Variants in SMC5 observed in about 807,000 individuals in gnomAD.
SMC5 encodes structural maintenance of chromosomes protein 5.
SMC5 carries 88 observed loss-of-function variants against 148.3 expected under a neutral mutation model. The observed-to-expected ratio is 0.59, with a 90% CI of 0.50 to 0.71. SMC5 has a LOEUF of 0.71. Ranked by LOEUF, SMC5 falls within the 30% of genes least tolerant of loss-of-function variation. The pLI, the probability that SMC5 is intolerant of heterozygous loss-of-function variation, is 0.00. For synonymous variants in SMC5, 421 were observed against 432.8 expected (o/e 0.97, Z 0.34); for missense variants, 1,142 against 1,298.9 (o/e 0.88, Z 1.86).
chr9:70,313,618 C>G (rs1190614644), intron 11 of SMC5, among the ~76,000 whole-genome samples: 1 of 152,112 alleles, frequency 6.6e-6, no homozygotes, highest in African/African-American at 2.4e-5. Flanking sequence ...CTGCCTCAAC[C>G]TCCCAAGTAG....
intron 1 of SMC5, among the ~76,000 whole-genome samples, chr9:70,262,537 GAT>G (rs903163825): frequency 2.0e-4 from 31 of 152,188 alleles, no homozygotes; most frequent in African/African-American, 6.0e-4. Flanking sequence ...TGGCATGAAT[GAT>G]AATACCATTC....
chr9:70,334,923 A>G (rs1428113115), intron 17 of SMC5, among the ~76,000 whole-genome samples: 1 of 152,190 alleles, frequency 6.6e-6, no homozygotes, highest in Non-Finnish European at 1.5e-5. Flanking sequence ...CAACCTTATT[A>G]GTCAGTAGGG....
chr9:70,273,254 A>C (rs566437727), intron 3 of SMC5, among the ~76,000 whole-genome samples: 37 of 150,958 alleles, frequency 2.5e-4, no homozygotes, highest in African/African-American at 8.7e-4. Context: ...TATTTATAGT[A>C]ATCGGTTGCT....
intron 3 of SMC5, among the ~76,000 whole-genome samples, chr9:70,274,780 A>G (rs1266976916): frequency 6.6e-6 from 1 of 152,082 alleles, no homozygotes; most frequent in Non-Finnish European, 1.5e-5. Context: ...TTTAGCAGGT[A>G]TACTTGCTGG....
At position 70,300,118 on chromosome 9, in the gene SMC5, G is replaced by C. The variant is rs750803383; in HGVS notation, c.1382G>C (p.Arg461Pro). 6.2e-7 allele frequency: 1 copy of C among 1,603,860 alleles called. No individual in the cohort carries two copies. Among genetic ancestry groups the C allele is most frequent in the Non-Finnish European group, 8.5e-7 (1 of 1,177,110 alleles). The part of the protein sequence containing the change: ...QKEDKLRQRF[R>P]DTYDAVLWLR... ...GAAGATAAGCTAAGACAGAGATTCC[G>C]TGACACGTATGATGCTGTTTTATGG... The change falls in exon 10 of 25, where the codon CGT becomes CCT. Residue 461 changes from arginine to proline, a missense_variant. This residue lies in a region of SMC5 where 743 missense variants were observed against 835.7 expected (regional missense o/e 0.89). Coordinates refer to ENST00000361138, the MANE Select transcript of SMC5 (RefSeq NM_015110.4).
chr9:70,268,454 GC>G (rs138603116), intron 3 of SMC5, among the ~76,000 whole-genome samples: 4,692 of 147,320 alleles, frequency 0.032, 227 homozygotes, highest in African/African-American at 0.11. Context: ...CATGCCCCCT[GC>G]CCCCCCCAAA....
At chr9:70,315,599 G>A in intron 13 of SMC5, 21 bp downstream of exon 13, 1 of 1,487,190 alleles carries the variant, frequency 6.7e-7, no homozygotes, top group Admixed American at 2.0e-5. Flanking sequence ...AGTGAATCAT[G>A]TACTGAATCA....
intron 23 of SMC5, 26 bp downstream of exon 23, chr9:70,350,319 A>T (rs1267462694): frequency 2.5e-6 from 4 of 1,610,156 alleles, no homozygotes; most frequent in South Asian, 1.1e-5. Context: ...TGTTACTTGG[A>T]TCTTCTTATA....
At chr9:70,308,456 G>A (rs899116589) in intron 11 of SMC5, among the ~76,000 whole-genome samples, 1 of 151,768 alleles carries the variant, frequency 6.6e-6, no homozygotes, top group African/African-American at 2.4e-5. Context: ...AGCCGGGCGT[G>A]GTGGCAGGGC....
At position 70,352,403 on chromosome 9, in the gene SMC5, A is replaced by G. The variant is rs945279793; in HGVS notation, c.*72A>G. The G allele has an allele frequency of 7.8e-6, 11 of 1,406,534 alleles. No individual in the cohort carries two copies. The highest frequency in any genetic ancestry group is 1.9e-4 in the Middle Eastern group (1 of 5,378). The allele number at this position is 1,406,534 out of a possible 1,614,324, so 87.1% of individuals were successfully genotyped here. Reference sequence around the variant, plus strand: ...TTTATAAGTATGGCTCAACTGAATAAAAGGAGATTCACTAAAACGAAAAGC... The same window carrying G: ...TTTATAAGTATGGCTCAACTGAATAGAAGGAGATTCACTAAAACGAAAAGC... On this transcript the variant is annotated 3_prime_UTR_variant, in exon 25 of 25. Coordinates refer to ENST00000361138, the MANE Select transcript of SMC5 (RefSeq NM_015110.4).
At chr9:70,344,371 G>A (rs1009376148) in intron 18 of SMC5, 102 bp downstream of exon 18, 31 of 808,600 alleles carry the variant, frequency 3.8e-5, no homozygotes, top group African/African-American at 1.1e-4. Flanking sequence ...ATGATGTGTC[G>A]TAAAAAATAG....
At chr9:70,298,364 A>G (rs968842308) in intron 9 of SMC5, 143 bp downstream of exon 9, 9 of 865,762 alleles carry the variant, frequency 1.0e-5, no homozygotes, top group Non-Finnish European at 1.6e-5. Flanking sequence ...TTCCAACTTC[A>G]TACCTTAATT....
At chr9:70,313,578 A>G (rs1436560633) in intron 11 of SMC5, among the ~76,000 whole-genome samples, 1 of 152,016 alleles carries the variant, frequency 6.6e-6, no homozygotes, top group Non-Finnish European at 1.5e-5. Context: ...GCTAACTGCA[A>G]CCGCTGCCTC....
intron 1 of SMC5, among the ~76,000 whole-genome samples, chr9:70,261,280 T>G (rs1306200981): frequency 1.3e-5 from 2 of 152,176 alleles, no homozygotes; most frequent in Non-Finnish European, 2.9e-5. Flanking sequence ...TGACGTGTGT[T>G]CTGTGTTATT....
chr9:70,262,158 G>C (rs143585159), intron 1 of SMC5, among the ~76,000 whole-genome samples: 1 of 152,282 alleles, frequency 6.6e-6, no homozygotes, highest in Non-Finnish European at 1.5e-5. Context: ...GAAGAGAGTA[G>C]TGAGTGAACC....
chr9:70,308,912 T>C (rs2035581598), intron 11 of SMC5, among the ~76,000 whole-genome samples: 1 of 152,162 alleles, frequency 6.6e-6, no homozygotes. Context: ...ATACAAGAAA[T>C]ATAACAGATT....
chr9:70,351,923 A>G (rs1160310198), intron 24 of SMC5, among the ~76,000 whole-genome samples: 1 of 152,064 alleles, frequency 6.6e-6, no homozygotes, highest in Non-Finnish European at 1.5e-5. Context: ...TAAAAATACA[A>G]AAAGTTAGCT....
At position 70,305,272 on chromosome 9, in the gene SMC5, C is replaced by A; in HGVS notation, c.1490C>A (p.Ala497Asp). Residue 497 changes from alanine to aspartate, a missense_variant, in exon 11 of 25, where the codon GCC becomes GAC. Ala to Asp is a moderately radical substitution (Grantham distance 126, BLOSUM62 -2). Coordinates refer to ENST00000361138, the MANE Select transcript of SMC5 (RefSeq NM_015110.4). The part of the protein sequence containing the change: ...LTINMKDNKN[A>D]KYIENHIPSN... ...ATCAATATGAAAGATAATAAAAATG[C>A]CAAATATATTGAAAATCATATTCCA... 1 of 1,579,804 alleles carries A rather than the reference C, an allele frequency of 6.3e-7. No individual in the cohort carries two copies. Among genetic ancestry groups the A allele is most frequent in the Non-Finnish European group, 8.7e-7 (1 of 1,153,582 alleles).
chr9:70,258,993 G>GGGGCGCCTGGGTGGAT lies in SMC5; in HGVS notation c.-79_-64dup, dbSNP rs2034001340. ...AGTTCGCGGCAGTTCGCGCGGGAGC[G>GGGGCGCCTGGGTGGAT]GGGCGCCTGGGTGGATGGGCGCTTG... On this transcript the variant is annotated 5_prime_UTR_variant, in exon 1 of 25. The change creates a new upstream start codon in the 5' untranslated region. Coordinates refer to ENST00000361138, the MANE Select transcript of SMC5 (RefSeq NM_015110.4). 11 of 1,434,346 alleles carry GGGGCGCCTGGGTGGAT rather than the reference G, an allele frequency of 7.7e-6. No homozygotes were observed. Among genetic ancestry groups the GGGGCGCCTGGGTGGAT allele is most frequent in the African/African-American group, 1.5e-5 (1 of 68,642 alleles). 88.9% of individuals were successfully genotyped at this position (1,434,346 alleles called of 1,614,324 possible). A position where few individuals can be genotyped will look rare whatever the true frequency, so the allele number is the denominator to read the frequency against.
Sources: allele counts gnomAD v4.1 joint callset (sites outside exome capture counted in the v4.1 genomes callset), GRCh38; gene constraint gnomAD v4.1.1; regional missense constraint gnomAD v4.1.1; transcripts MANE v1.5; gene names NCBI Gene and HGNC (gene_info 2026-07-23, HGNC 2026-07-21).